The following ALKBH8 variants were observed in gnomAD, a reference collection of about 807,000 sequenced individuals.
ALKBH8 encodes the protein tRNA (carboxymethyluridine(34)-5-O)-methyltransferase ALKBH8.
A neutral mutation model predicts 59.8 loss-of-function variants in ALKBH8; 36 were observed. That is an observed-to-expected ratio of 0.60 (90% CI 0.46 to 0.79). ALKBH8 has a LOEUF of 0.79. ALKBH8 is among the 30% of genes least tolerant of loss of function. The pLI, the probability that ALKBH8 is intolerant of heterozygous loss-of-function variation, is 0.00. For synonymous variants in ALKBH8, 276 were observed against 273.6 expected (o/e 1.01, Z -0.09); for missense variants, 768 against 801.0 (o/e 0.96, Z 0.50).
chr11:107,539,966 A>T (rs1863972012), intron 7 of ALKBH8, among the ~76,000 whole-genome samples: 1 of 152,202 alleles, frequency 6.6e-6, no homozygotes, highest in African/African-American at 2.4e-5. Context: ...GAAAAACTGC[A>T]CACATGAGCA....
intron 10 of ALKBH8, among the ~76,000 whole-genome samples, chr11:107,513,960 T>C (rs1369591894): frequency 6.6e-6 from 1 of 152,138 alleles, no homozygotes; most frequent in African/African-American, 2.4e-5. Flanking sequence ...ACTACCTGGG[T>C]GATGAAATAA....
At chr11:107,522,791 G>A (rs1863174811) in intron 9 of ALKBH8, among the ~76,000 whole-genome samples, 1 of 151,880 alleles carries the variant, frequency 6.6e-6, no homozygotes, top group Non-Finnish European at 1.5e-5. Flanking sequence ...AGGTGACAGA[G>A]CAAGACGGTC....
At chr11:107,564,003 C>T (rs1865037552) in intron 1 of ALKBH8, among the ~76,000 whole-genome samples, 2 of 152,304 alleles carry the variant, frequency 1.3e-5, no homozygotes, top group Admixed American at 1.3e-4. Context: ...CTGATACCAG[C>T]TGCTGAGGTC....
Position 107,505,002 on chromosome 11 carries a change from G to C in ALKBH8, c.1651C>G (p.Arg551Gly), listed in dbSNP as rs375189195. The part of the protein sequence containing the change: ...LVEQMRDMGS[R>G]DSASSVPRIN... ...CGGGGGACAGAAGATGCCGAGTCTC[G>C]ACTGCCCATGTCACGCATTTGCTCC... Residue 551 changes from arginine (R) to glycine (G), a missense_variant, in exon 12 of 12, where the codon CGA (arginine) becomes GGA (glycine). Physicochemically the swap from Arg to Gly is moderately radical, Grantham distance 125 (BLOSUM62 -2). Transcript: ENST00000428149. The C allele has an allele frequency of 1.3e-6, 2 of 1,551,462 alleles. No homozygotes were observed. Among genetic ancestry groups the C allele is most frequent in the Admixed American group, 2.0e-5 (1 of 50,960 alleles).
chr11:107,522,487 C>A lies in ALKBH8; in HGVS notation c.1099G>T (p.Ala367Ser), dbSNP rs775774880. Residue 367 changes from alanine (A) to serine (S), a missense_variant, in exon 10 of 12, where the codon GCC becomes TCC. By Grantham distance (99) the Ala-to-Ser change is moderately conservative. Coordinates refer to ENST00000428149, the MANE Select transcript of ALKBH8 (RefSeq NM_138775.3). ...ACGTACTCTTGCTCCAGCCGTGAGG[C>A]TTCTTTATCACTCTCTGGAAATGAG... ...PPSFPESDKE[A>S]SRLEQEYVHQ... 2 of 1,551,728 alleles carry A rather than the reference C, an allele frequency of 1.3e-6. No homozygotes were observed. Among genetic ancestry groups the A allele is most frequent in the South Asian group, 2.4e-5 (2 of 84,064 alleles).
chr11:107,553,907 C>A lies in ALKBH8; in HGVS notation c.439G>T (p.Glu147Ter), dbSNP rs1377114923. 32 of 1,613,650 alleles carry A rather than the reference C, an allele frequency of 2.0e-5. No homozygotes were observed. Among genetic ancestry groups the A allele is most frequent in the South Asian group, 4.4e-5 (4 of 91,038 alleles). ...CTTTCCAAAAGCATTTTCTCCTCCT[C>A]AGAAGAAATTATTTCTTCTACTACC... Reference protein sequence around the residue: ...LMVVEEIISSEEEKMLLESVD... With the variant: ...LMVVEEIISS The change falls in exon 4 of 12, where the codon GAG becomes TAG. Residue 147 changes from glutamate to a stop codon, truncating the protein, a stop_gained. Transcript: ENST00000428149. LOFTEE classifies it high-confidence loss of function.
intron 10 of ALKBH8, among the ~76,000 whole-genome samples, chr11:107,512,801 A>AT (rs1862694017): frequency 1.3e-5 from 2 of 152,304 alleles, no homozygotes; most frequent in Non-Finnish European, 2.9e-5. Context: ...CCCTTCTGAG[A>AT]ATAAAGACTA....
chr11:107,541,997 T>C (rs1473107237), intron 7 of ALKBH8, among the ~76,000 whole-genome samples: 1 of 152,048 alleles, frequency 6.6e-6, no homozygotes, highest in African/African-American at 2.4e-5. Context: ...TAACAGCATA[T>C]TAACACAGCA....
rs60670063 is a variant in ALKBH8, at chr11:107,552,032, T to TTAATA, written c.596-125_596-121dup. On this transcript the variant is annotated intron_variant, in intron 5 of 11. Transcript: ENST00000428149. ...GCTTTTAATTTAGCAGTCAGGTCCA[T>TTAATA]TAATAAACCCACAAGCAAAACAAAA... 6.0e-3 allele frequency: 2,512 copies of TTAATA among 419,032 alleles called. 48 individuals are homozygous for TTAATA. The highest frequency in any genetic ancestry group is 0.045 in the African/African-American group (2,196 of 48,456). The allele number at this position is 419,032 out of a possible 1,614,324, so 26.0% of individuals were successfully genotyped here.
At chr11:107,511,448 C>T (rs1862620648) in intron 10 of ALKBH8, among the ~76,000 whole-genome samples, 1 of 152,148 alleles carries the variant, frequency 6.6e-6, no homozygotes, top group Non-Finnish European at 1.5e-5. Context: ...AGATATCTCT[C>T]ATTACCGTAT....
intron 3 of ALKBH8, among the ~76,000 whole-genome samples, chr11:107,555,586 C>T (rs1591323299): frequency 2.0e-5 from 3 of 152,128 alleles, no homozygotes; most frequent in African/African-American, 7.2e-5. Flanking sequence ...AAATTAAATG[C>T]ATATGAGCAC....
chr11:107,516,212 G>C (rs900102164), intron 10 of ALKBH8, among the ~76,000 whole-genome samples: 2 of 152,132 alleles, frequency 1.3e-5, no homozygotes, highest in African/African-American at 4.8e-5. Flanking sequence ...TTAAAGCCTG[G>C]TATTTCTCAT....
chr11:107,553,047 T>C, intron 5 of ALKBH8, 61 bp downstream of exon 5: 5 of 1,021,300 alleles, frequency 4.9e-6, no homozygotes, highest in Non-Finnish European at 7.1e-6. Context: ...CCAACTATCA[T>C]ATTCTACTAA....
intron 3 of ALKBH8, among the ~76,000 whole-genome samples, chr11:107,554,219 G>A (rs762995571): frequency 1.3e-5 from 2 of 152,212 alleles, no homozygotes; most frequent in African/African-American, 2.4e-5. Flanking sequence ...TTAAGTAGCC[G>A]GTGTGAACAT....
At chr11:107,519,962 T>A (rs559117542) in intron 10 of ALKBH8, among the ~76,000 whole-genome samples, 1 of 152,266 alleles carries the variant, frequency 6.6e-6, no homozygotes, top group Admixed American at 6.5e-5. Context: ...AATTAACCAT[T>A]GAAGTGCTAT....
intron 8 of ALKBH8, among the ~76,000 whole-genome samples, chr11:107,531,819 T>G (rs1021006248): frequency 6.6e-6 from 1 of 152,150 alleles, no homozygotes; most frequent in Non-Finnish European, 1.5e-5. Context: ...CCTTTAAAAA[T>G]GTAAAAACCA....
At chr11:107,509,772 T>C (rs1245393039) in intron 11 of ALKBH8, among the ~76,000 whole-genome samples, 1 of 152,208 alleles carries the variant, frequency 6.6e-6, no homozygotes, top group East Asian at 1.9e-4. Flanking sequence ...AAGTTGGACA[T>C]GACAGATTTC....
intron 8 of ALKBH8, 53 bp from the exon 9 acceptor site, chr11:107,525,645 T>G: frequency 8.1e-7 from 1 of 1,241,300 alleles, no homozygotes; most frequent in Non-Finnish European, 1.0e-6. Flanking sequence ...TAAAAATATT[T>G]CAGGCCTTTA....
At chr11:107,506,415 A>G (rs1428556549) in intron 11 of ALKBH8, among the ~76,000 whole-genome samples, 1 of 152,058 alleles carries the variant, frequency 6.6e-6, no homozygotes, top group Non-Finnish European at 1.5e-5. Context: ...CAGAGAAAAA[A>G]AAAAGACCAT....
Sources: allele counts gnomAD v4.1 joint callset (sites outside exome capture counted in the v4.1 genomes callset), GRCh38; gene constraint gnomAD v4.1.1; transcripts MANE v1.5; gene names NCBI Gene and HGNC (gene_info 2026-07-23, HGNC 2026-07-21).